Variants in RANBP2 observed in about 807,000 individuals in gnomAD.
The protein encoded by RANBP2 is E3 SUMO-protein ligase RanBP2.
In RANBP2, 57 loss-of-function variants were observed where a neutral mutation model predicts 303.6. The observed-to-expected ratio is 0.19, with a 90% CI of 0.15 to 0.23. The LOEUF (loss-of-function observed/expected upper bound fraction) is 0.23. RANBP2 is among the 10% of genes least tolerant of loss of function. RANBP2 has a pLI of 1.00. For synonymous variants in RANBP2, 1,167 were observed against 1,301.5 expected, an observed-to-expected ratio of 0.90 and a Z score of 2.23; for missense variants, 3,138 against 3,780.8, an observed-to-expected ratio of 0.83 and a Z score of 4.46.
At chr2:109,687,114 T>C in the RANBP2 span, among the ~76,000 whole-genome samples, 2 of 152,326 alleles carry the variant, frequency 1.3e-5, no homozygotes, top group East Asian at 3.9e-4. Flanking sequence ...AGAGAACATC[T>C]GATTTTTTTT....
the RANBP2 span, among the ~76,000 whole-genome samples, chr2:108,833,711 T>G: frequency 6.7e-6 from 1 of 148,628 alleles, no homozygotes; most frequent in South Asian, 2.1e-4. Context: ...AAATCAAAAT[T>G]TAATGTGGAG....
At chr2:109,522,328 G>A in the RANBP2 span, among the ~76,000 whole-genome samples, 14 of 135,976 alleles carry the variant, frequency 1.0e-4, no homozygotes, top group Non-Finnish European at 2.0e-4. Flanking sequence ...TCTCGCTCTT[G>A]TCCCCCAGGC....
the RANBP2 span, among the ~76,000 whole-genome samples, chr2:109,525,109 G>A: frequency 6.9e-6 from 1 of 145,076 alleles, no homozygotes; most frequent in East Asian, 2.1e-4. Flanking sequence ...GGTTATGGAT[G>A]AGGCTTCAGC....
the RANBP2 span, among the ~76,000 whole-genome samples, chr2:109,722,263 C>T: frequency 5.9e-5 from 9 of 151,850 alleles, no homozygotes; most frequent in African/African-American, 2.2e-4. Flanking sequence ...AGGACACCTC[C>T]CCTTTCATAG....
intron 1 of RANBP2, among the ~76,000 whole-genome samples, chr2:108,724,987 T>C (rs1265594071): frequency 6.6e-6 from 1 of 152,142 alleles, no homozygotes; most frequent in Non-Finnish European, 1.5e-5. Context: ...AATTTAGAAC[T>C]GCATAGTGAA....
chr2:109,442,672 T>C, the RANBP2 span, among the ~76,000 whole-genome samples: 4 of 152,058 alleles, frequency 2.6e-5, no homozygotes, highest in African/African-American at 9.7e-5. Context: ...TAAATGACTA[T>C]AATAAAATAA....
the RANBP2 span, chr2:109,565,913 T>C: frequency 7.1e-7 from 1 of 1,417,322 alleles, no homozygotes; most frequent in African/African-American, 1.4e-5. Flanking sequence ...ACTGACTAGA[T>C]AAAATAAATT....
the RANBP2 span, among the ~76,000 whole-genome samples, chr2:109,593,453 T>C: frequency 7.1e-6 from 1 of 140,786 alleles, no homozygotes; most frequent in African/African-American, 2.7e-5. Context: ...TCACCCAGAC[T>C]GGAGTGCAAT....
At chr2:108,910,527 C>T in the RANBP2 span, 2,779 of 1,612,712 alleles carry the variant, frequency 1.7e-3, 51 homozygotes, top group African/African-American at 0.033. Context: ...AACATCACCA[C>T]GTTGTCTGCA....
the RANBP2 span, among the ~76,000 whole-genome samples, chr2:109,033,645 T>C: frequency 4.6e-5 from 7 of 151,984 alleles, no homozygotes; most frequent in Non-Finnish European, 5.9e-5. Context: ...ATCTGGTGAG[T>C]TTCCCTTCTT....
the RANBP2 span, among the ~76,000 whole-genome samples, chr2:108,856,400 G>A: frequency 6.6e-6 from 1 of 152,156 alleles, no homozygotes; most frequent in Non-Finnish European, 1.5e-5. Flanking sequence ...CATTTAGGAA[G>A]CAGCAACAAA....
chr2:108,763,104 A>G, intron 19 of RANBP2, 133 bp from the exon 20 acceptor site: 1 of 1,066,154 alleles, frequency 9.4e-7, no homozygotes, highest in Non-Finnish European at 1.4e-6. Context: ...CGGGTTAATG[A>G]TGTGTACTAC....
At chr2:109,130,688 T>A in the RANBP2 span, among the ~76,000 whole-genome samples, 3 of 152,190 alleles carry the variant, frequency 2.0e-5, no homozygotes, top group Non-Finnish European at 4.4e-5. Flanking sequence ...CCTTTTGGAC[T>A]TGGCAGTGTC....
At chr2:109,654,906 C>CT in the RANBP2 span, among the ~76,000 whole-genome samples, 1,794 of 142,318 alleles carry the variant, frequency 0.013, 48 homozygotes, top group East Asian at 0.1. Context: ...CTTTTCTTTT[C>CT]TTTTTTTTTT....
the RANBP2 span, among the ~76,000 whole-genome samples, chr2:109,069,329 G>C: frequency 3.3e-5 from 5 of 152,220 alleles, no homozygotes; most frequent in African/African-American, 7.2e-5. Context: ...TTTTGCAATA[G>C]GATAGTGTAC....
the RANBP2 span, among the ~76,000 whole-genome samples, chr2:109,138,975 A>G: frequency 2.0e-5 from 3 of 152,248 alleles, no homozygotes; most frequent in South Asian, 6.2e-4. Context: ...GACATGTGGT[A>G]ATAAGAGACA....
chr2:109,489,560 C>G, the RANBP2 span, among the ~76,000 whole-genome samples: 9 of 152,174 alleles, frequency 5.9e-5, no homozygotes, highest in Non-Finnish European at 1.2e-4. Flanking sequence ...ATGACGTTGC[C>G]AGGCTTGGCC....
At chr2:108,921,300 G>A in the RANBP2 span, among the ~76,000 whole-genome samples, 10 of 152,156 alleles carry the variant, frequency 6.6e-5, no homozygotes, top group South Asian at 2.1e-4. Context: ...CTGCAGCTGC[G>A]ACCCATTGTC....
the RANBP2 span, chr2:109,502,448 A>G: frequency 6.6e-6 from 1 of 152,202 alleles, no homozygotes; most frequent in Admixed American, 6.5e-5. Flanking sequence ...TTGAGCTTGA[A>G]AGAAAAGATG....
Sources: allele counts gnomAD v4.1 joint callset (sites outside exome capture counted in the v4.1 genomes callset), GRCh38; gene constraint gnomAD v4.1.1; transcripts MANE v1.5; gene names NCBI Gene and HGNC (gene_info 2026-07-23, HGNC 2026-07-21).